SOX6: variants seen among roughly 807,000 people sequenced by gnomAD.
SOX6 encodes the protein SRY-box transcription factor 6.
In SOX6, 11 loss-of-function variants were observed where a neutral mutation model predicts 97.8. That is an observed-to-expected ratio of 0.11 (90% CI 0.07 to 0.19). The LOEUF is 0.19. Among genes scored for constraint, SOX6 ranks in the 10% least tolerant of loss-of-function variants. SOX6 has a pLI of 1.00. For synonymous variants in SOX6, 360 were observed against 371.4 expected (o/e 0.97, Z 0.35); for missense variants, 810 against 1,039.5 (o/e 0.78, Z 3.04).
chr11:16,409,328 G>C (rs1282743003), intron 1 of SOX6, among the ~76,000 whole-genome samples: 1 of 148,738 alleles, frequency 6.7e-6, no homozygotes, highest in Non-Finnish European at 1.5e-5. Context: ...GGGGAAAACA[G>C]CTATGTTGGG....
intron 3 of SOX6, among the ~76,000 whole-genome samples, chr11:16,690,628 C>T (rs754427756): frequency 1.3e-5 from 2 of 152,188 alleles, no homozygotes; most frequent in Admixed American, 1.3e-4. Context: ...AATCTCATTA[C>T]ATGACTTAAT....
intron 3 of SOX6, among the ~76,000 whole-genome samples, chr11:16,712,132 T>C (rs1453825729): frequency 6.6e-6 from 1 of 151,412 alleles, no homozygotes; most frequent in Non-Finnish European, 1.5e-5. Flanking sequence ...CCACAGTTTC[T>C]TTAACCACTC....
chr11:15,988,983 A>G lies in SOX6; in HGVS notation c.1966+14T>C. 4.4e-6 allele frequency: 7 copies of G among 1,608,688 alleles called. No individual in the cohort carries two copies. Among genetic ancestry groups the G allele is most frequent in the Non-Finnish European group, 6.0e-6 (7 of 1,175,002 alleles). On this transcript the variant is annotated intron_variant, in intron 14 of 15. Coordinates refer to ENST00000683767, the MANE Select transcript of SOX6 (RefSeq NM_001367873.1). ...AGGGGAGAAGATCAGCTTTAGCTGC[A>G]CTGCTGCACTCACCTAAGATTTTGC...
At chr11:16,206,319 A>G (rs191267261) in intron 4 of SOX6, among the ~76,000 whole-genome samples, 2 of 152,318 alleles carry the variant, frequency 1.3e-5, no homozygotes, top group East Asian at 3.9e-4. Context: ...TGTTGGAATA[A>G]AAACAGAATA....
At chr11:16,086,961 T>C (rs1177100566) in intron 9 of SOX6, among the ~76,000 whole-genome samples, 1 of 152,216 alleles carries the variant, frequency 6.6e-6, no homozygotes, top group Non-Finnish European at 1.5e-5. Flanking sequence ...GAATAAATTA[T>C]ACAAGAAAGC....
intron 3 of SOX6, among the ~76,000 whole-genome samples, chr11:16,694,110 A>G (rs1029309260): frequency 6.6e-6 from 1 of 152,208 alleles, no homozygotes; most frequent in Non-Finnish European, 1.5e-5. Context: ...GAAAACCATT[A>G]ATCTATCCCT....
intron 4 of SOX6, among the ~76,000 whole-genome samples, chr11:16,221,318 CA>C (rs1852531658): frequency 6.6e-6 from 1 of 151,792 alleles, no homozygotes; most frequent in African/African-American, 2.4e-5. Context: ...AGTAAATAAA[CA>C]AAAAAACTAA....
chr11:16,114,415 C>T (rs1449945079), intron 6 of SOX6, among the ~76,000 whole-genome samples: 1 of 152,056 alleles, frequency 6.6e-6, no homozygotes, highest in Admixed American at 6.6e-5. Flanking sequence ...TTGTGAGGAC[C>T]AAATAGACAA....
At chr11:16,012,378 G>C (rs1854757693) in intron 13 of SOX6, among the ~76,000 whole-genome samples, 1 of 151,946 alleles carries the variant, frequency 6.6e-6, no homozygotes, top group Non-Finnish European at 1.5e-5. Context: ...CTGCACTTCG[G>C]TCGGTATTAG....
chr11:16,021,268 G>A (rs1173099721), intron 12 of SOX6, among the ~76,000 whole-genome samples: 3 of 152,094 alleles, frequency 2.0e-5, no homozygotes, highest in Admixed American at 1.3e-4. Flanking sequence ...ACAATGCTAA[G>A]TACAATGCTA....
At chr11:16,040,329 G>T (rs1855627183) in intron 12 of SOX6, among the ~76,000 whole-genome samples, 1 of 151,882 alleles carries the variant, frequency 6.6e-6, no homozygotes, top group African/African-American at 2.4e-5. Flanking sequence ...TATGAGTTTG[G>T]CCTTTTAAGC....
chr11:16,100,517 A>G (rs1424348215), intron 7 of SOX6, among the ~76,000 whole-genome samples: 2 of 151,786 alleles, frequency 1.3e-5, no homozygotes, highest in African/African-American at 4.8e-5. Context: ...TTTGCTTGAC[A>G]TTAGTTTCAC....
chr11:16,679,396 T>C (rs1325051792), intron 3 of SOX6, among the ~76,000 whole-genome samples: 1 of 152,060 alleles, frequency 6.6e-6, no homozygotes, highest in Non-Finnish European at 1.5e-5. Context: ...GAAGGAAAAC[T>C]AACGAACAGA....
chr11:15,981,255 T>G (rs1853647312), intron 15 of SOX6, among the ~76,000 whole-genome samples: 1 of 152,014 alleles, frequency 6.6e-6, no homozygotes, highest in Non-Finnish European at 1.5e-5. Context: ...ACAACATTTG[T>G]GGATGTTTGT....
At chr11:16,134,435 T>G (rs957469132) in intron 6 of SOX6, among the ~76,000 whole-genome samples, 2 of 152,214 alleles carry the variant, frequency 1.3e-5, no homozygotes, top group Admixed American at 6.5e-5. Flanking sequence ...TGAATTAGTA[T>G]GTACAGGTAT....
chr11:16,179,447 A>G (rs1020969312), intron 6 of SOX6, among the ~76,000 whole-genome samples: 2 of 151,944 alleles, frequency 1.3e-5, no homozygotes, highest in African/African-American at 2.4e-5. Context: ...ACTTCAGTGA[A>G]GTAATGAACA....
At chr11:16,135,356 T>A (rs937033975) in intron 6 of SOX6, among the ~76,000 whole-genome samples, 1 of 152,208 alleles carries the variant, frequency 6.6e-6, no homozygotes, top group African/African-American at 2.4e-5. Context: ...AGGCTATAGC[T>A]TTCATACATA....
intron 9 of SOX6, among the ~76,000 whole-genome samples, chr11:16,065,608 AC>A (rs1848075055): frequency 6.6e-6 from 1 of 152,080 alleles, no homozygotes; most frequent in Non-Finnish European, 1.5e-5. Flanking sequence ...AAATCCACAC[AC>A]CTACAGTGAA....
At chr11:16,581,055 A>G (rs1848028446) in intron 4 of SOX6, among the ~76,000 whole-genome samples, 1 of 152,208 alleles carries the variant, frequency 6.6e-6, no homozygotes, top group Non-Finnish European at 1.5e-5. Flanking sequence ...TCAAGAATCT[A>G]GAACCAGAAA....
Sources: allele counts gnomAD v4.1 joint callset (sites outside exome capture counted in the v4.1 genomes callset), GRCh38; gene constraint gnomAD v4.1.1; transcripts MANE v1.5; gene names NCBI Gene and HGNC (gene_info 2026-07-23, HGNC 2026-07-21).